Variants in PRKCZ observed in about 807,000 individuals in gnomAD.
The protein encoded by PRKCZ is protein kinase C zeta type.
A neutral mutation model predicts 79.5 loss-of-function variants in PRKCZ; 33 were observed. The ratio of observed to expected loss-of-function variants is 0.41; its 90% CI spans 0.31 to 0.55. The LOEUF is 0.55. PRKCZ is among the 20% of genes least tolerant of loss of function. The probability of loss-of-function intolerance (pLI) is 0.19; values close to 1 mark genes in which losing one functional copy is unlikely to be tolerated. For synonymous variants in PRKCZ, 342 were observed against 320.9 expected, an observed-to-expected ratio of 1.07 and a Z score of -0.70; for missense variants, 578 against 813.5, an observed-to-expected ratio of 0.71 and a Z score of 3.52.
At chr1:2,147,027 C>T (rs942537263) in intron 7 of PRKCZ, among the ~76,000 whole-genome samples, 1 of 152,224 alleles carries the variant, frequency 6.6e-6, no homozygotes. Context: ...GCCAGCCATC[C>T]TCCACCCACC....
intron 4 of PRKCZ, among the ~76,000 whole-genome samples, chr1:2,077,783 C>T (rs1376127943): frequency 1.3e-5 from 2 of 152,166 alleles, no homozygotes; most frequent in East Asian, 3.9e-4. Context: ...TAGTCGTTTC[C>T]ATTTAGGATG....
Position 2,124,349 on chromosome 1 carries a change from ACGG to A in PRKCZ, c.335-10909_335-10907del, listed in dbSNP as rs1557627910. Among the ~76,000 whole-genome samples, 35 of 117,720 alleles carry A rather than the reference ACGG, an allele frequency of 3.0e-4. 3 individuals carry two copies. Among genetic ancestry groups the A allele is most frequent in the African/African-American group, 9.9e-4 (31 of 31,278 alleles). 77.2% of individuals were successfully genotyped at this position (117,720 alleles called of 152,430 possible). A position where few individuals can be genotyped will look rare whatever the true frequency, so the allele number is the denominator to read the frequency against. ...TAGGGTCACGGTGGTGGTTAGGGTCACGGCGGTGGTTAGGGTCACGGCGGCGGT... is the reference window on the plus strand; with the variant it reads ...TAGGGTCACGGTGGTGGTTAGGGTCACGGTGGTTAGGGTCACGGCGGCGGT... On this transcript the variant is annotated intron_variant, in intron 4 of 17. Coordinates refer to ENST00000378567, the MANE Select transcript of PRKCZ (RefSeq NM_002744.6).
intron 4 of PRKCZ, 28 bp downstream of exon 4, chr1:2,059,619 C>T (rs1489852608): frequency 1.2e-6 from 2 of 1,613,134 alleles, no homozygotes; most frequent in Non-Finnish European, 1.7e-6. Context: ...CTACGCCGGT[C>T]TCGCATGTTA....
At chr1:2,167,888 G>A (rs1156957201) in intron 10 of PRKCZ, among the ~76,000 whole-genome samples, 3 of 150,408 alleles carry the variant, frequency 2.0e-5, no homozygotes, top group South Asian at 2.1e-4. Context: ...TACAGGCCTC[G>A]TGAGCCACCA....
At chr1:2,169,400 G>A (rs1683969048) in intron 10 of PRKCZ, 118 bp from the exon 11 acceptor site, 2 of 871,966 alleles carry the variant, frequency 2.3e-6, no homozygotes, top group Non-Finnish European at 3.7e-6. Context: ...TTTGCTCTTT[G>A]CAAGACTGAA....
At chr1:2,157,755 G>A (rs1681370947) in intron 10 of PRKCZ, among the ~76,000 whole-genome samples, 1 of 142,544 alleles carries the variant, frequency 7.0e-6, no homozygotes, top group Admixed American at 7.2e-5. Context: ...GTCTTGCTCT[G>A]TCGCCCCAGG....
Position 2,054,751 on chromosome 1 carries a change from G to A in PRKCZ, c.72-690G>A, listed in dbSNP as rs60331980. 6.0e-3 allele frequency among the ~76,000 whole-genome samples: 918 copies of A among 152,148 alleles called. 53 individuals are homozygous for A. In the East Asian group the frequency reaches 0.13, roughly 22 times the overall value. Reference sequence around the variant, plus strand: ...TTTCCTTTACCTTAGTGAAGCCGGCGGCCTGCACCGACCCGGCTCGCGCCC... The same window carrying A: ...TTTCCTTTACCTTAGTGAAGCCGGCAGCCTGCACCGACCCGGCTCGCGCCC... On this transcript the variant is annotated intron_variant, in intron 1 of 17. Transcript: ENST00000378567.
At position 2,174,160 on chromosome 1, in the gene PRKCZ, C is replaced by A; in HGVS notation, c.1405+144C>A. 1 of 1,165,862 alleles carries A rather than the reference C, an allele frequency of 8.6e-7. No individual in the cohort carries two copies. The highest frequency in any genetic ancestry group is 1.1e-6 in the Non-Finnish European group (1 of 871,408). The allele number at this position is 1,165,862 out of a possible 1,614,324, so 72.2% of individuals were successfully genotyped here. ...CCGGGAACCATTCCTCCTGGCCAGA[C>A]CCTGTGTCACATGCCACTCCCCGGG... On this transcript the variant is annotated intron_variant, in intron 14 of 17. Transcript: ENST00000378567. The surrounding 1 kb of genome is among the most constrained non-coding windows in gnomAD (Gnocchi z 6.2).
intron 4 of PRKCZ, chr1:2,135,033 C>G (rs994433855): frequency 2.3e-5 from 10 of 437,326 alleles, no homozygotes; most frequent in African/African-American, 1.8e-4. Flanking sequence ...CTGGCTCCAT[C>G]CACACCTGGG....
In PRKCZ at chr1:2,115,475, C is replaced by T. The variant is rs1670576045; in HGVS notation, c.335-19787C>T. Among the ~76,000 whole-genome samples, 3 of 152,342 alleles carry T rather than the reference C, an allele frequency of 2.0e-5. No homozygotes were observed. The South Asian group carries it at 6.2e-4, about 32-fold the overall frequency. ...CCAGTTATGTGGGGTTTTCTGCACC[C>T]ACAGCCACTCTGGCGCCAGCTGGGT... On this transcript the variant is annotated intron_variant, in intron 4 of 17. Transcript: ENST00000378567.
rs1447046805 is a variant in PRKCZ at position 2,135,342 on chromosome 1, A to G, written c.415A>G (p.Asn139Asp). The change falls in exon 5 of 18, where the codon AAC becomes GAC. Residue 139 changes from asparagine (N) to aspartate (D), a missense_variant. Coordinates refer to ENST00000378567, the MANE Select transcript of PRKCZ (RefSeq NM_002744.6). ...NGHLFQAKRFNRRAYCGQCSE... is the reference protein window; with the variant it reads ...NGHLFQAKRFDRRAYCGQCSE... Reference sequence around the variant, plus strand: ...CCACCTCTTCCAAGCCAAGCGCTTTAACAGGGTGAGTGGCCCCCTTGGGAC... The same window carrying G: ...CCACCTCTTCCAAGCCAAGCGCTTTGACAGGGTGAGTGGCCCCCTTGGGAC... The G allele has an allele frequency of 3.1e-6, 5 of 1,611,340 alleles. No individual in the cohort carries two copies. Among genetic ancestry groups the G allele is most frequent in the Non-Finnish European group, 4.2e-6 (5 of 1,178,492 alleles).
intron 4 of PRKCZ, among the ~76,000 whole-genome samples, chr1:2,089,787 A>G (rs776006425): frequency 1.3e-4 from 20 of 152,180 alleles, no homozygotes; most frequent in Non-Finnish European, 2.4e-4. Context: ...GCAGAACTCA[A>G]TTCTCTCTCA....
chr1:2,057,023 C>T (rs906305799), intron 3 of PRKCZ, among the ~76,000 whole-genome samples: 17 of 152,280 alleles, frequency 1.1e-4, no homozygotes, highest in African/African-American at 3.6e-4. Context: ...CCACCGCGCC[C>T]GGCCTTTTCT....
At chr1:2,166,108 G>A (rs757154136) in intron 10 of PRKCZ, among the ~76,000 whole-genome samples, 12 of 152,186 alleles carry the variant, frequency 7.9e-5, no homozygotes, top group Non-Finnish European at 1.8e-4. Context: ...CGTTCTTCAC[G>A]TTTGTGTATT....
In PRKCZ at chr1:2,165,864, G is replaced by A. The variant is rs551840416; in HGVS notation, c.975-3654G>A. 4.6e-5 allele frequency among the ~76,000 whole-genome samples: 7 copies of A among 151,612 alleles called. No individual in the cohort carries two copies. In the South Asian group the frequency reaches 6.3e-4, roughly 14 times the overall value. ...CGAGGAGGGGGCGGCACCAAGGACAGGGCCCACCTCCTAGGAGGTTTTGTG... is the reference window on the plus strand; with the variant it reads ...CGAGGAGGGGGCGGCACCAAGGACAAGGCCCACCTCCTAGGAGGTTTTGTG... On this transcript the variant is annotated intron_variant, in intron 10 of 17. Transcript: ENST00000378567. The surrounding 1 kb of genome is among the most constrained non-coding windows in gnomAD (Gnocchi z 4.1).
intron 4 of PRKCZ, among the ~76,000 whole-genome samples, chr1:2,117,686 C>T (rs1344952894): frequency 1.3e-5 from 2 of 152,176 alleles, no homozygotes; most frequent in Non-Finnish European, 2.9e-5. Context: ...GTTTTTCCTT[C>T]GTAAATCCCC....
intron 16 of PRKCZ, 99 bp from the exon 17 acceptor site, chr1:2,184,484 C>G: frequency 1.2e-6 from 1 of 821,812 alleles, no homozygotes; most frequent in Admixed American, 2.6e-5. Flanking sequence ...TGCTGACTTT[C>G]TCACTGTTTC....
Position 2,165,755 on chromosome 1 carries a change from C to T in PRKCZ, c.975-3763C>T, listed in dbSNP as rs1028699362. On this transcript the variant is annotated intron_variant, in intron 10 of 17. Transcript: ENST00000378567. This position sits in a 1 kb window ranked among gnomAD's most constrained non-coding sequence, Gnocchi z 4.1. ...GGTTAATTCTTGACTCTCAGGGCAGCGTCTCCTGTGCCTCCAGGAGAGGGC... is the reference window on the plus strand; with the variant it reads ...GGTTAATTCTTGACTCTCAGGGCAGTGTCTCCTGTGCCTCCAGGAGAGGGC... 1.3e-5 allele frequency among the ~76,000 whole-genome samples: 2 copies of T among 152,154 alleles called. No homozygotes were observed. The highest frequency in any genetic ancestry group is 2.9e-5 in the Non-Finnish European group (2 of 68,018).
At chr1:2,171,896 C>G (rs1684512440) in intron 11 of PRKCZ, among the ~76,000 whole-genome samples, 159 bp from the exon 12 acceptor site, 1 of 152,194 alleles carries the variant, frequency 6.6e-6, no homozygotes, top group South Asian at 2.1e-4. Context: ...GCATTTCCCT[C>G]CCTGGCCCTG....
Sources: allele counts gnomAD v4.1 joint callset (sites outside exome capture counted in the v4.1 genomes callset), GRCh38; gene constraint gnomAD v4.1.1; non-coding constraint Gnocchi (gnomAD v3.1); transcripts MANE v1.5; gene names NCBI Gene and HGNC (gene_info 2026-07-23, HGNC 2026-07-21).